The following NUP155 variants were observed in gnomAD, a reference collection of about 807,000 sequenced individuals.
NUP155 encodes the protein nuclear pore complex protein Nup155.
NUP155 carries 71 observed loss-of-function variants against 180.4 expected under a neutral mutation model. That is an observed-to-expected ratio of 0.39 (90% CI 0.33 to 0.48). NUP155 has a LOEUF of 0.48. Among genes scored for constraint, NUP155 ranks in the 20% least tolerant of loss-of-function variants. The pLI is 0.91. For synonymous variants in NUP155, 582 were observed against 559.5 expected (o/e 1.04, Z -0.57); for missense variants, 1,553 against 1,648.9 (o/e 0.94, Z 1.01).
At chr5:37,300,585 AGAGT>A (rs1742807759) in intron 30 of NUP155, among the ~76,000 whole-genome samples, 1 of 152,226 alleles carries the variant, frequency 6.6e-6, no homozygotes, top group Non-Finnish European at 1.5e-5. Flanking sequence ...AGAGGTTTAG[AGAGT>A]TAAGCAAAGA....
chr5:37,303,082 T>C (rs1194581311), intron 28 of NUP155, among the ~76,000 whole-genome samples, 174 bp from the exon 29 acceptor site: 1 of 152,058 alleles, frequency 6.6e-6, no homozygotes, highest in African/African-American at 2.4e-5. Flanking sequence ...ATAAGAGAGA[T>C]CCACAATTTT....
At chr5:37,318,737 C>G (rs1165520320) in intron 20 of NUP155, among the ~76,000 whole-genome samples, 1 of 151,976 alleles carries the variant, frequency 6.6e-6, no homozygotes, top group African/African-American at 2.4e-5. Context: ...GAAAACTGAT[C>G]AAAGCCAAGA....
At position 37,342,550 on chromosome 5, in the gene NUP155, T is replaced by C. The variant is rs759289091; in HGVS notation, c.1092A>G (p.Ala364=). The change falls in exon 10 of 35, where the codon GCA becomes GCG. Residue 364 remains alanine (A), a splice_region_variant and synonymous_variant. Coordinates refer to ENST00000231498, the MANE Select transcript of NUP155 (RefSeq NM_153485.3). ...AGATATGTAAATAAAACAACATACC[T>C]GCATGTGTGACAGCCAATAACTGAC... ...LDCQLLAVTH[A]GVRLYFSTCP... The C allele has an allele frequency of 3.1e-6, 5 of 1,592,000 alleles. No homozygotes were observed. The highest frequency in any genetic ancestry group is 4.3e-6 in the Non-Finnish European group (5 of 1,159,910).
chr5:37,352,317 C>G (rs774834327), intron 5 of NUP155, among the ~76,000 whole-genome samples: 7 of 152,070 alleles, frequency 4.6e-5, no homozygotes, highest in Non-Finnish European at 8.8e-5. Context: ...AAGATTGCAC[C>G]ACTACACTCC....
intron 9 of NUP155, among the ~76,000 whole-genome samples, chr5:37,343,969 A>G (rs1416130186): frequency 6.6e-6 from 1 of 152,160 alleles, no homozygotes; most frequent in African/African-American, 2.4e-5. Flanking sequence ...AGCTTTCAAC[A>G]GTGAGAAAAC....
intron 1 of NUP155, among the ~76,000 whole-genome samples, chr5:37,366,852 G>T (rs1349137623): frequency 1.3e-5 from 2 of 151,722 alleles, no homozygotes; most frequent in African/African-American, 4.8e-5. Context: ...GGGTGTCACC[G>T]TGTTAGCCAG....
chr5:37,291,129 C>A lies in NUP155; in HGVS notation c.*771G>T, dbSNP rs924445161. 5.9e-5 allele frequency: 9 copies of A among 152,184 alleles called. No individual in the cohort carries two copies. The highest frequency in any genetic ancestry group is 2.2e-4 in the African/African-American group (9 of 41,444). The allele number at this position is 152,184 out of a possible 1,614,324, so 9.4% of individuals were successfully genotyped here. ...CAAAACCAGTTGTTAGAGGACAGTT[C>A]TTTCAAGGGTGAACCCAACACCTAA... On this transcript the variant is annotated 3_prime_UTR_variant, in exon 35 of 35. Transcript: ENST00000231498.
intron 4 of NUP155, among the ~76,000 whole-genome samples, chr5:37,354,804 G>A (rs114150780): frequency 2.0e-5 from 3 of 151,776 alleles, no homozygotes; most frequent in African/African-American, 2.4e-5. Flanking sequence ...ATAAAATGTC[G>A]GTTTGGGCTG....
At position 37,329,466 on chromosome 5, in the gene NUP155, T is replaced by G. The variant is rs542353948; in HGVS notation, c.1725-188A>C. On this transcript the variant is annotated intron_variant, in intron 15 of 34. Transcript: ENST00000231498. ...AAATATTTATTCAGTAAATGTGGAC[T>G]TGAAACTGCTACCAGGAAGAATTAT... is the stretch of plus-strand genomic sequence containing the variant. Among the ~76,000 whole-genome samples the G allele has an allele frequency of 2.0e-5, 3 of 152,358 alleles. No individual in the cohort carries two copies. The South Asian group carries it at 6.2e-4, about 32-fold the overall frequency.
At chr5:37,317,172 AAAAT>A (rs912783660) in intron 21 of NUP155, among the ~76,000 whole-genome samples, 3 of 150,058 alleles carry the variant, frequency 2.0e-5, no homozygotes, top group Non-Finnish European at 4.4e-5. Flanking sequence ...CTGTCTCAAA[AAAAT>A]AAATAAATAA....
At chr5:37,327,533 A>T in intron 18 of NUP155, 96 bp downstream of exon 18, 1 of 1,379,092 alleles carries the variant, frequency 7.3e-7, no homozygotes, top group Non-Finnish European at 1.0e-6. Flanking sequence ...AAAATTTAAT[A>T]GGAATAAATG....
chr5:37,300,924 A>G (rs1356978918), intron 30 of NUP155: 1 of 168,178 alleles, frequency 5.9e-6, no homozygotes, highest in Non-Finnish European at 1.3e-5. Flanking sequence ...CCTGGGTTCA[A>G]GCAATTCTCC....
chr5:37,344,958 A>ACGTC (rs1581190578), intron 9 of NUP155, among the ~76,000 whole-genome samples: 1 of 151,722 alleles, frequency 6.6e-6, no homozygotes, highest in East Asian at 1.9e-4. Flanking sequence ...TGAGGCAGAC[A>ACGTC]CGTCATTTGA....
At chr5:37,350,136 C>A (rs1179827132) in intron 7 of NUP155, 24 bp downstream of exon 7, 6 of 1,539,300 alleles carry the variant, frequency 3.9e-6, no homozygotes, top group Non-Finnish European at 3.6e-6. Context: ...GTTGTACTTG[C>A]CAAATTTATT....
rs1437279746 is a variant in NUP155, at chr5:37,288,701, G to A, written c.*3199C>T. The A allele has an allele frequency of 7.4e-6, 1 of 135,052 alleles. No homozygotes were observed. The highest frequency in any genetic ancestry group is 1.5e-5 in the Non-Finnish European group (1 of 64,968). The allele number at this position is 135,052 out of a possible 1,614,324, so 8.4% of individuals were successfully genotyped here. On this transcript the variant is annotated 3_prime_UTR_variant, in exon 35 of 35. Transcript: ENST00000231498. Reference sequence around the variant, plus strand: ...AATCACTTAAGGCCAGGAGTTTTGAGAGCAGTCTGGGCAACAGAGTGAGAT... The same window carrying A: ...AATCACTTAAGGCCAGGAGTTTTGAAAGCAGTCTGGGCAACAGAGTGAGAT...
At position 37,358,102 on chromosome 5, in the gene NUP155, C is replaced by T. The variant is rs1476340929; in HGVS notation, c.442G>A (p.Gly148Arg). 2 of 1,612,982 alleles carry T rather than the reference C, an allele frequency of 1.2e-6. No homozygotes were observed. Among genetic ancestry groups the T allele is most frequent in the African/African-American group, 2.7e-5 (2 of 74,914 alleles). Residue 148 changes from glycine to arginine, a missense_variant, in exon 4 of 35, where the codon GGG becomes AGG. By Grantham distance (125) the Gly-to-Arg change is moderately radical (BLOSUM62 -2). Coordinates refer to ENST00000231498, the MANE Select transcript of NUP155 (RefSeq NM_153485.3). ...TTACCTGCTTTTGGCTTCACAAGCC[C>T]CACAGCAAGAATAGTCTCACTAAGT... ...DGLSETILAV[G>R]LVKPKAGIFQ...
intron 3 of NUP155, among the ~76,000 whole-genome samples, chr5:37,362,164 G>A (rs998642858): frequency 2.6e-5 from 4 of 152,096 alleles, no homozygotes; most frequent in Non-Finnish European, 4.4e-5. Flanking sequence ...TTCCATGAGG[G>A]CAGAACTACA....
chr5:37,328,297 G>C, intron 17 of NUP155, 61 bp downstream of exon 17: 1 of 1,192,682 alleles, frequency 8.4e-7, no homozygotes. Context: ...TAAGCATTAA[G>C]GTTAACTCAT....
At chr5:37,353,780 C>T (rs1746626654) in intron 4 of NUP155, among the ~76,000 whole-genome samples, 1 of 152,072 alleles carries the variant, frequency 6.6e-6, no homozygotes, top group Non-Finnish European at 1.5e-5. Flanking sequence ...TTACTACCAA[C>T]TGCTGAGGGA....
Sources: gnomAD v4.1 joint callset for allele counts (sites outside exome capture counted in the v4.1 genomes callset) on GRCh38, gnomAD v4.1.1 for gene constraint, MANE v1.5 for transcripts, NCBI Gene and HGNC (gene_info 2026-07-23, HGNC 2026-07-21) for gene names.